KPNA5: variants seen among roughly 807,000 people sequenced by gnomAD.
The protein encoded by KPNA5 is importin subunit alpha-6.
KPNA5 carries 46 observed loss-of-function variants against 71.3 expected under a neutral mutation model. The observed-to-expected ratio is 0.65, with a 90% CI of 0.51 to 0.83. The LOEUF (loss-of-function observed/expected upper bound fraction) is 0.83. Among genes scored for constraint, KPNA5 ranks in the 40% least tolerant of loss-of-function variants. The pLI is 0.00. For missense variants in KPNA5, 547 were observed against 628.3 expected (o/e 0.87, Z 1.38); for synonymous variants, 207 against 201.4 (o/e 1.03, Z -0.24).
chr6:116,711,722 C>A (rs1017034617), intron 7 of KPNA5, among the ~76,000 whole-genome samples: 1 of 152,152 alleles, frequency 6.6e-6, no homozygotes, highest in African/African-American at 2.4e-5. Context: ...AGTGATCTGC[C>A]TGCCTTGGTC....
At chr6:116,715,788 C>T (rs61106904) in intron 7 of KPNA5, among the ~76,000 whole-genome samples, 2,537 of 151,950 alleles carry the variant, frequency 0.017, 60 homozygotes, top group African/African-American at 0.058. Flanking sequence ...TGGTGGCAGG[C>T]GCCTGTAATC....
intron 1 of KPNA5, among the ~76,000 whole-genome samples, chr6:116,684,912 A>G (rs1213670240): frequency 1.3e-5 from 2 of 152,224 alleles, no homozygotes; most frequent in Non-Finnish European, 1.5e-5. Context: ...AAGCAACTGG[A>G]ACTCTCATAC....
rs1241085333 is a variant in KPNA5 at position 116,689,297 on chromosome 6, T to G, written c.5-23T>G. 3 of 1,594,868 alleles carry G rather than the reference T, an allele frequency of 1.9e-6. No individual in the cohort carries two copies. The African/African-American group carries it at 4.1e-5, about 22-fold the overall frequency. ...TGAGAGAGTGAGTTATCAGTGTCTG[T>G]TTTCTTTTCTCCTTCCTTTAAGATG... On this transcript the variant is annotated intron_variant, in intron 1 of 13. Transcript: ENST00000368564.
rs766508387 is a variant in KPNA5 at position 116,692,397 on chromosome 6, G to A, written c.340+5G>A. 3 of 1,561,142 alleles carry A rather than the reference G, an allele frequency of 1.9e-6. No individual in the cohort carries two copies. The highest frequency in any genetic ancestry group is 2.6e-6 in the Non-Finnish European group (3 of 1,143,414). ...TTAGAAAGCTGCTTTCTAAAGGCAAGAATTATTTTCAGTATGCTTATTTGA... is the reference window on the plus strand; with the variant it reads ...TTAGAAAGCTGCTTTCTAAAGGCAAAAATTATTTTCAGTATGCTTATTTGA... On this transcript the variant is annotated splice_donor_5th_base_variant and intron_variant, in intron 4 of 13. Coordinates refer to ENST00000368564, the MANE Select transcript of KPNA5 (RefSeq NM_001366306.2).
chr6:116,686,181 G>A (rs1016039164), intron 1 of KPNA5, among the ~76,000 whole-genome samples: 2 of 152,100 alleles, frequency 1.3e-5, no homozygotes, highest in Non-Finnish European at 2.9e-5. Context: ...GCCTCCCGAA[G>A]TGCTGGGATT....
At position 116,703,558 on chromosome 6, in the gene KPNA5, C is replaced by A. The variant is rs9398442; in HGVS notation, c.567+1408C>A. Among the ~76,000 whole-genome samples, 8 of 151,976 alleles carry A rather than the reference C, an allele frequency of 5.3e-5. No homozygotes were observed. The South Asian group carries it at 1.0e-3, about 20-fold the overall frequency. ...GATTACAGGTGTGAGCCACCGCGCC[C>A]GGCCAAAAGATAAAATTTTTAAAGC... On this transcript the variant is annotated intron_variant, in intron 6 of 13. Transcript: ENST00000368564.
chr6:116,687,543 A>T (rs527845082), intron 1 of KPNA5, among the ~76,000 whole-genome samples: 1 of 152,318 alleles, frequency 6.6e-6, no homozygotes, highest in Admixed American at 6.5e-5. Flanking sequence ...ATATAAATTT[A>T]AAAATAAACC....
chr6:116,687,404 G>A (rs1411483479), intron 1 of KPNA5, among the ~76,000 whole-genome samples: 1 of 152,206 alleles, frequency 6.6e-6, no homozygotes, highest in Non-Finnish European at 1.5e-5. Context: ...GGGTCAGGGA[G>A]GGCTAATAGG....
At position 116,721,035 on chromosome 6, in the gene KPNA5, TGTG is replaced by T. The variant is rs572529668; in HGVS notation, c.757-1088_757-1086del. Among the ~76,000 whole-genome samples the T allele has an allele frequency of 5.9e-5, 9 of 152,176 alleles. No individual in the cohort carries two copies. In the East Asian group the frequency reaches 1.7e-3, roughly 29 times the overall value. On this transcript the variant is annotated intron_variant, in intron 8 of 13. Transcript: ENST00000368564. ...TTAGATGGTAACTACTTCCAGAAAA[TGTG>T]GTATATATTCTGATAATCTTGAAAA...
rs936943700 is a variant in KPNA5 at position 116,736,313 on chromosome 6, G to A, written c.*3990G>A. On this transcript the variant is annotated 3_prime_UTR_variant, in exon 14 of 14. Coordinates refer to ENST00000368564, the MANE Select transcript of KPNA5 (RefSeq NM_001366306.2). ...CCATTTATATGAAGTGTTCGGAATA[G>A]ACAAATCTATAGAAACAGAAATAAA... is the stretch of plus-strand genomic sequence containing the variant. 3.3e-5 allele frequency: 5 copies of A among 151,968 alleles called. No homozygotes were observed. The highest frequency in any genetic ancestry group is 1.2e-4 in the African/African-American group (5 of 41,442). The allele number at this position is 151,968 out of a possible 1,614,324, so 9.4% of individuals were successfully genotyped here.
rs181800348 is a variant in KPNA5 at position 116,740,857 on chromosome 6, G to A, written c.*8534G>A. 1 of 143,760 alleles carries A rather than the reference G, an allele frequency of 7.0e-6. No homozygotes were observed. The highest frequency in any genetic ancestry group is 2.3e-4 in the East Asian group (1 of 4,444). The allele number at this position is 143,760 out of a possible 1,614,324, so 8.9% of individuals were successfully genotyped here. A position where few individuals can be genotyped will look rare whatever the true frequency, so the allele number is the denominator to read the frequency against. ...TGGGGACTGTTGTGGGGTTGGGGGA[G>A]GGGGGAGGGATAGCTTTAGGAGATA... is the stretch of plus-strand genomic sequence containing the variant. On this transcript the variant is annotated 3_prime_UTR_variant, in exon 14 of 14. Coordinates refer to ENST00000368564, the MANE Select transcript of KPNA5 (RefSeq NM_001366306.2).
chr6:116,723,733 C>A (rs997445174), intron 9 of KPNA5, among the ~76,000 whole-genome samples: 13 of 152,074 alleles, frequency 8.5e-5, no homozygotes, highest in Non-Finnish European at 1.6e-4. Flanking sequence ...ACCAATACTT[C>A]AGATAATAAG....
chr6:116,730,306 C>G (rs774024911), intron 13 of KPNA5, among the ~76,000 whole-genome samples: 7 of 151,684 alleles, frequency 4.6e-5, no homozygotes, highest in Admixed American at 1.3e-4. Flanking sequence ...AGACTGGTCT[C>G]GAGCTCCTGG....
intron 6 of KPNA5, 59 bp from the exon 7 acceptor site, chr6:116,705,013 C>G: frequency 8.2e-7 from 1 of 1,224,086 alleles, no homozygotes; most frequent in Non-Finnish European, 1.2e-6. Context: ...AAATCTCATT[C>G]CTAAAGGAAA....
At chr6:116,692,981 C>T (rs548948216) in intron 4 of KPNA5, among the ~76,000 whole-genome samples, 6 of 152,164 alleles carry the variant, frequency 3.9e-5, no homozygotes, top group South Asian at 2.1e-4. Context: ...TGAGAACATG[C>T]GGTGTTTGGT....
In KPNA5 at chr6:116,734,278, T is replaced by G. The variant is rs1779593700; in HGVS notation, c.*1955T>G. On this transcript the variant is annotated 3_prime_UTR_variant, in exon 14 of 14. Transcript: ENST00000368564. Reference sequence around the variant, plus strand: ...TCATAAACTAACCAGCTGTGCCTCCTTTTATTTTGAGGACCCTGTAGTCAC... The same window carrying G: ...TCATAAACTAACCAGCTGTGCCTCCGTTTATTTTGAGGACCCTGTAGTCAC... 6.6e-6 allele frequency: 1 copy of G among 151,738 alleles called. No individual in the cohort carries two copies. The highest frequency in any genetic ancestry group is 1.5e-5 in the Non-Finnish European group (1 of 67,724). 9.4% of individuals were successfully genotyped at this position (151,738 alleles called of 1,614,324 possible).
At chr6:116,714,698 C>T (rs1004371295) in intron 7 of KPNA5, among the ~76,000 whole-genome samples, 3 of 152,144 alleles carry the variant, frequency 2.0e-5, no homozygotes, top group Non-Finnish European at 4.4e-5. Context: ...GTTGAGGTTT[C>T]AACATCTCAT....
At position 116,716,318 on chromosome 6, in the gene KPNA5, G is replaced by C. The variant is rs151204421; in HGVS notation, c.756G>C (p.Lys252Asn). 4 of 1,576,898 alleles carry C rather than the reference G, an allele frequency of 2.5e-6. No homozygotes were observed. Among genetic ancestry groups the C allele is most frequent in the Admixed American group, 1.7e-5 (1 of 59,434 alleles). Reference sequence around the variant, plus strand: ...AAAACCCTCCTCCAAACTTTAGTAAGGTATGAGTAAAATACACAAATTAAA... The same window carrying C: ...AAAACCCTCCTCCAAACTTTAGTAACGTATGAGTAAAATACACAAATTAAA... The part of the protein sequence containing the change: ...RGKNPPPNFS[K>N]VSPCLNVLSR... Residue 252 changes from lysine to asparagine, a missense_variant and splice_region_variant, in exon 8 of 14, where the codon AAG becomes AAC. By Grantham distance (94) the Lys-to-Asn change is moderately conservative. Transcript: ENST00000368564.
chr6:116,692,112 C>A lies in KPNA5; in HGVS notation c.196C>A (p.Pro66Thr). Residue 66 changes from proline (P) to threonine (T), a missense_variant, in exon 3 of 14, where the codon CCT becomes ACT. By Grantham distance (38) the Pro-to-Thr change is conservative. Transcript: ENST00000368564. ...AAATGATGAATCTATGCTTGAAAGTCCTATACAGGATCCAGATATTAGTTC... is the reference window on the plus strand; with the variant it reads ...AAATGATGAATCTATGCTTGAAAGTACTATACAGGATCCAGATATTAGTTC... ...PRNDESMLES[P>T]IQDPDISSTV... 1 of 1,612,644 alleles carries A rather than the reference C, an allele frequency of 6.2e-7. No homozygotes were observed. Among genetic ancestry groups the A allele is most frequent in the East Asian group, 2.2e-5 (1 of 44,756 alleles).
Sources: allele counts gnomAD v4.1 joint callset (sites outside exome capture counted in the v4.1 genomes callset), GRCh38; gene constraint gnomAD v4.1.1; transcripts MANE v1.5; gene names NCBI Gene and HGNC (gene_info 2026-07-23, HGNC 2026-07-21).